Variants in SHOC1 observed in about 807,000 individuals in gnomAD.
SHOC1 encodes shortage in chiasmata 1.
In SHOC1, 136 loss-of-function variants were observed where a neutral mutation model predicts 179.2. The observed-to-expected ratio is 0.76, with a 90% CI of 0.66 to 0.87. The LOEUF is 0.87. Ranked by LOEUF, SHOC1 falls within the 40% of genes least tolerant of loss-of-function variation. The pLI, the probability that SHOC1 is intolerant of heterozygous loss-of-function variation, is 0.00. For missense variants in SHOC1, 1,538 were observed against 1,700.8 expected (o/e 0.90, Z 1.68); for synonymous variants, 489 against 586.6 (o/e 0.83, Z 2.41).
In SHOC1 at chr9:111,703,682, A is replaced by T. The variant is rs543635595; in HGVS notation, c.2967+199T>A. On this transcript the variant is annotated intron_variant, in intron 22 of 27. Transcript: ENST00000682961. Reference sequence around the variant, plus strand: ...TTTATTTGCCCTATCTTCTTAAAGTATGTTAAAAAGCTATAAGGCATCAGA... The same window carrying T: ...TTTATTTGCCCTATCTTCTTAAAGTTTGTTAAAAAGCTATAAGGCATCAGA... 5.3e-5 allele frequency among the ~76,000 whole-genome samples: 8 copies of T among 152,296 alleles called. 1 individual carries two copies. The South Asian group carries it at 1.0e-3, about 20-fold the overall frequency.
intron 18 of SHOC1, among the ~76,000 whole-genome samples, chr9:111,708,573 T>A (rs1832388522): frequency 6.6e-6 from 1 of 152,188 alleles, no homozygotes. Context: ...TTGCTAAATA[T>A]CAGGGTGGAT....
chr9:111,697,364 C>A (rs1831747201), intron 24 of SHOC1, among the ~76,000 whole-genome samples: 1 of 152,038 alleles, frequency 6.6e-6, no homozygotes, highest in Non-Finnish European at 1.5e-5. Flanking sequence ...ACGACAGGCC[C>A]CGGTGTGTGA....
chr9:111,687,851 C>G (rs1331237749), intron 27 of SHOC1, among the ~76,000 whole-genome samples: 1 of 151,720 alleles, frequency 6.6e-6, no homozygotes, highest in Non-Finnish European at 1.5e-5. Flanking sequence ...GAACATACAC[C>G]CTTTAGGGGG....
At position 111,775,874 on chromosome 9, in the gene SHOC1, A is replaced by C. The variant is rs745515110; in HGVS notation, c.359T>G (p.Leu120Ter). Reference protein sequence around the residue: ...DSQIEVEEVSLYTHMDYNEVF... With the variant: ...DSQIEVEEVS ...TTCATTGTAGTCCATGTGGGTGTAT[A>C]AACTGACCTCCTCTACTTCAATTTG... Residue 120 changes from leucine to a stop codon, truncating the protein, a stop_gained, in exon 5 of 28, where the codon TTA (leucine) becomes TGA (stop). Transcript: ENST00000682961. LOFTEE classifies it high-confidence loss of function. 6.8e-6 allele frequency: 11 copies of C among 1,613,856 alleles called. No individual in the cohort carries two copies. Among genetic ancestry groups the C allele is most frequent in the Non-Finnish European group, 9.3e-6 (11 of 1,179,836 alleles).
chr9:111,697,834 C>T (rs1831775373), intron 24 of SHOC1, among the ~76,000 whole-genome samples: 1 of 152,192 alleles, frequency 6.6e-6, no homozygotes, highest in African/African-American at 2.4e-5. Flanking sequence ...CCTATTTCTC[C>T]ACATTCTCTC....
chr9:111,786,226 G>A (rs1174846532), intron 2 of SHOC1, among the ~76,000 whole-genome samples, 191 bp from the exon 3 acceptor site: 1 of 152,104 alleles, frequency 6.6e-6, no homozygotes, highest in African/African-American at 2.4e-5. Flanking sequence ...ACAAGGTCAG[G>A]AGATTGAGAC....
intron 27 of SHOC1, among the ~76,000 whole-genome samples, chr9:111,687,864 AT>A (rs1006945513): frequency 4.6e-5 from 7 of 151,380 alleles, no homozygotes; most frequent in African/African-American, 1.7e-4. Flanking sequence ...TTAGGGGGAT[AT>A]CATTTTCACT....
intron 2 of SHOC1, among the ~76,000 whole-genome samples, chr9:111,789,422 A>G (rs191657651): frequency 8.5e-5 from 13 of 152,252 alleles, no homozygotes; most frequent in Admixed American, 2.0e-4. Flanking sequence ...GCATGATACT[A>G]CTCATTGCTT....
At position 111,697,979 on chromosome 9, in the gene SHOC1, T is replaced by A. The variant is rs184857689; in HGVS notation, c.3183+1975A>T. On this transcript the variant is annotated intron_variant, in intron 24 of 27. Coordinates refer to ENST00000682961, the MANE Select transcript of SHOC1 (RefSeq NM_001378211.1). Reference sequence around the variant, plus strand: ...TTTTTTCTTGTGTCTGTTGGATGCATAAATGTCTTCTTTTGAGAAGTGTCT... The same window carrying A: ...TTTTTTCTTGTGTCTGTTGGATGCAAAAATGTCTTCTTTTGAGAAGTGTCT... Among the ~76,000 whole-genome samples, 50 of 152,360 alleles carry A rather than the reference T, an allele frequency of 3.3e-4. 1 individual carries two copies. In the East Asian group the frequency reaches 9.6e-3, roughly 29 times the overall value.
intron 27 of SHOC1, among the ~76,000 whole-genome samples, chr9:111,688,730 A>G (rs1425714415): frequency 4.6e-5 from 7 of 152,178 alleles, no homozygotes; most frequent in Non-Finnish European, 1.0e-4. Context: ...AAATTAAAAT[A>G]CCATATTTAA....
intron 4 of SHOC1, 148 bp from the exon 5 acceptor site, chr9:111,776,123 T>C (rs1440910641): frequency 3.2e-6 from 2 of 632,776 alleles, no homozygotes; most frequent in South Asian, 2.2e-5. Context: ...TCAAGATAAA[T>C]ATAAAAAGTA....
Position 111,693,810 on chromosome 9 carries a change from T to C in SHOC1, c.3454A>G (p.Lys1152Glu). Residue 1152 changes from lysine (K) to glutamate (E), a missense_variant, in exon 26 of 28, where the codon AAA (lysine) becomes GAA (glutamate). Physicochemically the swap from Lys to Glu is moderately conservative, Grantham distance 56. Coordinates refer to ENST00000682961, the MANE Select transcript of SHOC1 (RefSeq NM_001378211.1). ...LQELLPEVPE[K>E]VLKHFCSITS... is the part of the protein sequence containing the mutation. ...CTCAAATAACTAACCTTTAACACTT[T>C]TTCTGGGACTTCAGGTAGGAGTTCC... 1.2e-6 allele frequency: 2 copies of C among 1,607,242 alleles called. No individual in the cohort carries two copies. The highest frequency in any genetic ancestry group is 1.7e-6 in the Non-Finnish European group (2 of 1,176,288).
intron 2 of SHOC1, among the ~76,000 whole-genome samples, chr9:111,788,560 G>T (rs1836344292): frequency 6.6e-6 from 1 of 152,172 alleles, no homozygotes; most frequent in Admixed American, 6.6e-5. Flanking sequence ...ATCAGTAGTA[G>T]TTTGATGTAT....
In SHOC1 at chr9:111,691,407, T is replaced by G. The variant is rs965208185; in HGVS notation, c.4426+144A>C. ...ATTTTCTCTGCATTTATTTTAGAGTTTAGATTTTCTCTTTTACCCAACAGT... is the reference window on the plus strand; with the variant it reads ...ATTTTCTCTGCATTTATTTTAGAGTGTAGATTTTCTCTTTTACCCAACAGT... On this transcript the variant is annotated intron_variant, in intron 27 of 27. Coordinates refer to ENST00000682961, the MANE Select transcript of SHOC1 (RefSeq NM_001378211.1). The G allele has an allele frequency of 1.0e-5, 7 of 697,162 alleles. No homozygotes were observed. In the African/African-American group the frequency reaches 1.1e-4, roughly 11 times the overall value. 43.2% of individuals were successfully genotyped at this position (697,162 alleles called of 1,614,324 possible).
chr9:111,706,631 A>T lies in SHOC1; in HGVS notation c.2674T>A (p.Cys892Ser). The change falls in exon 20 of 28, where the codon TGC (cysteine) becomes AGC (serine). Residue 892 changes from cysteine (C) to serine (S), a missense_variant. Physicochemically the swap from Cys to Ser is moderately radical, Grantham distance 112. Coordinates refer to ENST00000682961, the MANE Select transcript of SHOC1 (RefSeq NM_001378211.1). ...YVEDSCWTKH[C>S]KELNIPYMAF... ...ATGTAAGGAATATTCAACTCTTTGC[A>T]GTGTTTAGTCCAACAAGAGTCTTCC... 1 of 1,606,482 alleles carries T rather than the reference A, an allele frequency of 6.2e-7. No individual in the cohort carries two copies. Among genetic ancestry groups the T allele is most frequent in the Non-Finnish European group, 8.5e-7 (1 of 1,175,932 alleles).
intron 7 of SHOC1, among the ~76,000 whole-genome samples, 163 bp from the exon 8 acceptor site, chr9:111,756,641 G>C (rs949828413): frequency 4.6e-5 from 7 of 152,134 alleles, no homozygotes; most frequent in African/African-American, 1.7e-4. Flanking sequence ...CAGAAATGTA[G>C]CAGCTAAAAA....
At chr9:111,739,171 AT>A (rs1833929089) in intron 11 of SHOC1, among the ~76,000 whole-genome samples, 1 of 152,114 alleles carries the variant, frequency 6.6e-6, no homozygotes, top group Non-Finnish European at 1.5e-5. Context: ...AAAAATACTA[AT>A]ATTAATAATA....
chr9:111,694,011 CAAGT>C (rs1831571033), intron 25 of SHOC1, 63 bp from the exon 26 acceptor site: 1 of 1,346,272 alleles, frequency 7.4e-7, no homozygotes, highest in Non-Finnish European at 1.0e-6. Flanking sequence ...TTTTATTCTA[CAAGT>C]AAGTACATTT....
chr9:111,717,796 C>G (rs1475562035), intron 16 of SHOC1, among the ~76,000 whole-genome samples: 2 of 152,044 alleles, frequency 1.3e-5, no homozygotes, highest in Non-Finnish European at 2.9e-5. Context: ...TGGAAAAGAT[C>G]TTACTCCTTA....
Sources: gnomAD v4.1 joint callset for allele counts (sites outside exome capture counted in the v4.1 genomes callset) on GRCh38, gnomAD v4.1.1 for gene constraint, MANE v1.5 for transcripts, NCBI Gene and HGNC (gene_info 2026-07-23, HGNC 2026-07-21) for gene names.